The following WARS1 variants were observed in gnomAD, a reference collection of about 807,000 sequenced individuals.
WARS1 encodes tryptophan--tRNA ligase, cytoplasmic.
Under a neutral mutation model 47.8 loss-of-function variants are expected in WARS1, and 17 were observed. The observed-to-expected ratio is 0.36, with a 90% CI of 0.24 to 0.53. WARS1 has a LOEUF of 0.53. WARS1 is among the 20% of genes least tolerant of loss of function. The pLI is 0.91. For missense variants in WARS1, 434 were observed against 608.0 expected, an observed-to-expected ratio of 0.71 and a Z score of 3.01; for synonymous variants, 208 against 228.1, an observed-to-expected ratio of 0.91 and a Z score of 0.79.
intron 6 of WARS1, among the ~76,000 whole-genome samples, chr14:100,352,234 C>T (rs1327543931): frequency 1.3e-5 from 2 of 149,498 alleles, no homozygotes; most frequent in Non-Finnish European, 1.5e-5. Context: ...GCCTCAGCCT[C>T]CCAAGTAGCT....
At chr14:100,347,826 C>T (rs1377090896) in intron 6 of WARS1, among the ~76,000 whole-genome samples, 1 of 152,214 alleles carries the variant, frequency 6.6e-6, no homozygotes, top group Admixed American at 6.5e-5. Flanking sequence ...ATCCACCTGC[C>T]TTGGCCTCCC....
At chr14:100,343,125 C>A (rs1894287449) in intron 8 of WARS1, 150 bp downstream of exon 8, 2 of 492,182 alleles carry the variant, frequency 4.1e-6, no homozygotes, top group Non-Finnish European at 6.8e-6. Flanking sequence ...GATCCGCCTG[C>A]CTTGGCCTCC....
intron 2 of WARS1, among the ~76,000 whole-genome samples, chr14:100,362,181 G>A (rs1895703458): frequency 6.6e-6 from 1 of 152,192 alleles, no homozygotes; most frequent in African/African-American, 2.4e-5. Context: ...TGTTATTCTA[G>A]TGCTACCATG....
chr14:100,335,789 C>T (rs1893681177), intron 10 of WARS1, among the ~76,000 whole-genome samples: 1 of 152,146 alleles, frequency 6.6e-6, no homozygotes, highest in African/African-American at 2.4e-5. Context: ...GAAAAATCAC[C>T]TACAAATTGC....
intron 5 of WARS1, 196 bp downstream of exon 5, chr14:100,354,251 G>A (rs746792943): frequency 5.1e-5 from 35 of 689,424 alleles, no homozygotes; most frequent in Non-Finnish European, 6.5e-5. Context: ...CCAAAGCTGC[G>A]CTCTCCCCAT....
intron 2 of WARS1, among the ~76,000 whole-genome samples, chr14:100,365,097 G>C (rs1355376308): frequency 6.7e-6 from 1 of 148,704 alleles, no homozygotes; most frequent in Non-Finnish European, 1.5e-5. Flanking sequence ...CTCCAACGTG[G>C]AAAGAGCGAG....
intron 10 of WARS1, 196 bp downstream of exon 10, chr14:100,336,866 G>C (rs1321012702): frequency 4.9e-6 from 3 of 610,946 alleles, no homozygotes; most frequent in East Asian, 5.6e-5. Flanking sequence ...ATTTGTATCT[G>C]CTCTTTCGAG....
chr14:100,348,751 AC>A (rs990083440), intron 6 of WARS1, among the ~76,000 whole-genome samples: 1 of 151,948 alleles, frequency 6.6e-6, no homozygotes, highest in Non-Finnish European at 1.5e-5. Context: ...GGACACCCTA[AC>A]CCCTACAAGG....
At chr14:100,355,079 G>A (rs1895228439) in intron 4 of WARS1, among the ~76,000 whole-genome samples, 1 of 152,142 alleles carries the variant, frequency 6.6e-6, no homozygotes, top group Non-Finnish European at 1.5e-5. Flanking sequence ...GCCAGCTTGG[G>A]ACTAGGTATC....
At chr14:100,350,098 G>T (rs1245771992) in intron 6 of WARS1, among the ~76,000 whole-genome samples, 3 of 152,076 alleles carry the variant, frequency 2.0e-5, no homozygotes, top group African/African-American at 7.2e-5. Flanking sequence ...CCCCATGTTT[G>T]TAAGAAAAAA....
chr14:100,354,098 G>A, intron 5 of WARS1: 1 of 538,530 alleles, frequency 1.9e-6, no homozygotes, highest in Non-Finnish European at 3.3e-6. Flanking sequence ...TACACACTTT[G>A]TTTTGAAGCT....
At chr14:100,345,208 T>A (rs536871100) in intron 7 of WARS1, among the ~76,000 whole-genome samples, 3 of 146,498 alleles carry the variant, frequency 2.0e-5, no homozygotes, top group African/African-American at 7.5e-5. Flanking sequence ...ATGATGACAA[T>A]GGCAGTTTTG....
In WARS1 at chr14:100,342,435, A is replaced by G; in HGVS notation, c.1076T>C (p.Ile359Thr). The G allele has an allele frequency of 6.2e-7, 1 of 1,614,022 alleles. No individual in the cohort carries two copies. The highest frequency in any genetic ancestry group is 8.5e-7 in the Non-Finnish European group (1 of 1,179,978). ...KMSASDPNSSIFLTDTAKQIK... is the reference protein window; with the variant it reads ...KMSASDPNSSTFLTDTAKQIK... Reference sequence around the variant, plus strand: ...CTGCTTGGCCGTGTCGGTGAGGAAGATGGAGGAGTTGGGGTCGCTGGCACT... The same window carrying G: ...CTGCTTGGCCGTGTCGGTGAGGAAGGTGGAGGAGTTGGGGTCGCTGGCACT... Residue 359 changes from isoleucine (I) to threonine (T), a missense_variant, in exon 9 of 11, where the codon ATC (isoleucine) becomes ACC (threonine). Around this residue, in one of 2 missense-constraint regions of WARS1, gnomAD observed 347 missense variants for 523.8 expected, o/e 0.66. Coordinates refer to ENST00000392882, the MANE Select transcript of WARS1 (RefSeq NM_004184.4).
chr14:100,352,256 A>C, intron 6 of WARS1, among the ~76,000 whole-genome samples: 1 of 150,692 alleles, frequency 6.6e-6, no homozygotes, highest in East Asian at 2.0e-4. Context: ...CAACTACAGG[A>C]GCACGCCACC....
chr14:100,372,992 C>G (rs1896437790), intron 1 of WARS1, among the ~76,000 whole-genome samples: 2 of 152,188 alleles, frequency 1.3e-5, no homozygotes, highest in Non-Finnish European at 2.9e-5. Context: ...CTTCTGGGAA[C>G]AAGTTGGTTG....
At chr14:100,336,821 C>G (rs1331850014) in intron 10 of WARS1, 7 of 452,604 alleles carry the variant, frequency 1.5e-5, no homozygotes, top group Non-Finnish European at 2.8e-5. Flanking sequence ...ACTAATAAAG[C>G]AAGACTGTTT....
chr14:100,340,039 C>G (rs1166569442), intron 9 of WARS1: 1 of 152,222 alleles, frequency 6.6e-6, no homozygotes, highest in Non-Finnish European at 1.5e-5. Context: ...AACCCAATGA[C>G]CTCTGTAGTG....
In WARS1 at chr14:100,353,668, C is replaced by A. The variant is rs768948765; in HGVS notation, c.725+19G>T. On this transcript the variant is annotated intron_variant, in intron 6 of 10. Coordinates refer to ENST00000392882, the MANE Select transcript of WARS1 (RefSeq NM_004184.4). ...CCTCCTCTACCTATTGAAAAGGCAG[C>A]CAGACGTTTTCTCCTTACCCCATGT... The A allele has an allele frequency of 6.2e-7, 1 of 1,610,628 alleles. No individual in the cohort carries two copies. Among genetic ancestry groups the A allele is most frequent in the Non-Finnish European group, 8.5e-7 (1 of 1,178,028 alleles).
intron 2 of WARS1, among the ~76,000 whole-genome samples, chr14:100,368,710 C>T (rs893452228): frequency 1.3e-5 from 2 of 152,170 alleles, no homozygotes; most frequent in Non-Finnish European, 2.9e-5. Context: ...CTGGTAATCC[C>T]AGCACTTTGG....
Sources: gnomAD v4.1 joint callset for allele counts (sites outside exome capture counted in the v4.1 genomes callset) on GRCh38, gnomAD v4.1.1 for gene constraint, gnomAD v4.1.1 regional missense constraint, MANE v1.5 for transcripts, NCBI Gene and HGNC (gene_info 2026-07-23, HGNC 2026-07-21) for gene names.